Variants in GPHN observed in about 807,000 individuals in gnomAD.
GPHN encodes gephyrin.
A neutral mutation model predicts 95.5 loss-of-function variants in GPHN; 17 were observed. The ratio of observed to expected loss-of-function variants is 0.18; its 90% CI spans 0.12 to 0.27. The LOEUF is 0.27. Among genes scored for constraint, GPHN ranks in the 10% least tolerant of loss-of-function variants. The pLI, the probability that GPHN is intolerant of heterozygous loss-of-function variation, is 1.00. For missense variants in GPHN, 660 were observed against 978.1 expected (o/e 0.67, Z 4.34); for synonymous variants, 320 against 322.5 (o/e 0.99, Z 0.08).
At chr14:67,426,838 G>A in the GPHN span, among the ~76,000 whole-genome samples, 17 of 152,226 alleles carry the variant, frequency 1.1e-4, no homozygotes, top group African/African-American at 4.1e-4. Context: ...GCCTTGCAAA[G>A]TGCTGGGATT....
intron 1 of GPHN, among the ~76,000 whole-genome samples, chr14:66,599,379 C>CTTT (rs1199618130): frequency 1.1e-5 from 1 of 93,496 alleles, no homozygotes; most frequent in Non-Finnish European, 1.8e-5. Context: ...TCTGATTTTA[C>CTTT]ATTTTTTTTT....
intron 3 of GPHN, among the ~76,000 whole-genome samples, chr14:66,808,796 C>A (rs866800953): frequency 2.0e-5 from 3 of 151,942 alleles, no homozygotes; most frequent in African/African-American, 7.3e-5. Flanking sequence ...GACTTCATCT[C>A]AAAAAATATG....
intron 1 of GPHN, among the ~76,000 whole-genome samples, chr14:66,635,499 A>T (rs1198342165): frequency 6.6e-6 from 1 of 152,192 alleles, no homozygotes; most frequent in Non-Finnish European, 1.5e-5. Flanking sequence ...ATACAAAGGG[A>T]AATCCCAGAT....
intron 2 of GPHN, among the ~76,000 whole-genome samples, chr14:66,701,960 C>T (rs1389595859): frequency 2.0e-5 from 3 of 152,166 alleles, no homozygotes; most frequent in African/African-American, 7.2e-5. Flanking sequence ...CCTCCTGGAG[C>T]CAGGGAGGCT....
chr14:67,609,196 A>C, the GPHN span, among the ~76,000 whole-genome samples: 3 of 152,200 alleles, frequency 2.0e-5, no homozygotes, highest in East Asian at 5.8e-4. Flanking sequence ...GCAGGGCAGC[A>C]GGCAAGAAGA....
chr14:67,586,804 T>C, the GPHN span: 3 of 1,421,708 alleles, frequency 2.1e-6, no homozygotes, highest in Admixed American at 2.2e-5. Flanking sequence ...CCTTCCCTGG[T>C]TGTAGAGCTA....
At chr14:67,070,344 TAC>T (rs1223599774) in intron 11 of GPHN, among the ~76,000 whole-genome samples, 1 of 148,198 alleles carries the variant, frequency 6.7e-6, no homozygotes, top group Non-Finnish European at 1.5e-5. Context: ...TATATATATA[TAC>T]ACACATATAT....
intron 19 of GPHN, among the ~76,000 whole-genome samples, chr14:67,160,946 T>A (rs1156575951): frequency 6.6e-6 from 1 of 152,234 alleles, no homozygotes; most frequent in Non-Finnish European, 1.5e-5. Context: ...AGTTGCATGT[T>A]GAGCATGCCC....
intron 8 of GPHN, among the ~76,000 whole-genome samples, chr14:66,955,323 G>T (rs867720437): frequency 2.0e-5 from 3 of 152,020 alleles, no homozygotes; most frequent in African/African-American, 7.2e-5. Flanking sequence ...TCTTGAGTTG[G>T]TTTTGGTAGT....
chr14:67,026,934 GCCCAGCCTTA>G (rs2073956085), intron 10 of GPHN, among the ~76,000 whole-genome samples: 1 of 152,080 alleles, frequency 6.6e-6, no homozygotes, highest in Non-Finnish European at 1.5e-5. Context: ...GAGCCACCGC[GCCCAGCCTTA>G]TAGCCCACAT....
At chr14:67,093,354 T>C (rs1269100742) in intron 12 of GPHN, among the ~76,000 whole-genome samples, 1 of 152,138 alleles carries the variant, frequency 6.6e-6, no homozygotes, top group Non-Finnish European at 1.5e-5. Context: ...AAATTCAATA[T>C]AGACAATCCA....
At chr14:67,044,981 A>G (rs1441575247) in intron 10 of GPHN, among the ~76,000 whole-genome samples, 6 of 152,052 alleles carry the variant, frequency 3.9e-5, no homozygotes, top group Admixed American at 3.3e-4. Context: ...TCATCTCCAT[A>G]CAGAATCCTG....
the GPHN span, among the ~76,000 whole-genome samples, chr14:67,325,981 T>TTTC: frequency 2.9e-5 from 4 of 140,252 alleles, no homozygotes; most frequent in African/African-American, 1.1e-4. Context: ...GCTCTTTTCT[T>TTTC]TTTTTTTTTT....
At chr14:66,524,502 A>G (rs2058608164) in intron 1 of GPHN, among the ~76,000 whole-genome samples, 1 of 152,042 alleles carries the variant, frequency 6.6e-6, no homozygotes, top group South Asian at 2.1e-4. Context: ...AGTTTTTTAA[A>G]AAATTATTAT....
intron 2 of GPHN, among the ~76,000 whole-genome samples, chr14:66,712,199 T>C (rs2069706722): frequency 6.6e-6 from 1 of 152,198 alleles, no homozygotes; most frequent in Non-Finnish European, 1.5e-5. Flanking sequence ...TAATTTACAC[T>C]CCCACCAACA....
chr14:66,609,501 G>A (rs999869974), intron 1 of GPHN, among the ~76,000 whole-genome samples: 1 of 152,066 alleles, frequency 6.6e-6, no homozygotes, highest in Admixed American at 6.6e-5. Context: ...TAGTGAGATT[G>A]GGGTATTTTT....
rs190677336 is a variant in GPHN, at chr14:66,664,432, A to C, written c.65-16675A>C. The stretch of plus-strand genomic sequence containing the variant: ...GATGGAAATCAAGTTCTTTCAAACT[A>C]ATAAGGACAAAGATACAATGTACCA... On this transcript the variant is annotated intron_variant, in intron 1 of 22. Coordinates refer to ENST00000478722, the MANE Select transcript of GPHN (RefSeq NM_020806.5). Among the ~76,000 whole-genome samples the C allele has an allele frequency of 1.8e-3, 273 of 152,322 alleles. 1 individual carries two copies. The highest frequency in any genetic ancestry group is 6.3e-3 in the African/African-American group (261 of 41,580).
chr14:67,250,581 T>C, the GPHN span, among the ~76,000 whole-genome samples: 1 of 152,198 alleles, frequency 6.6e-6, no homozygotes. Flanking sequence ...TCTGGGCCCT[T>C]CCTCTGAAAC....
At chr14:67,566,781 A>G in the GPHN span, among the ~76,000 whole-genome samples, 5 of 150,224 alleles carry the variant, frequency 3.3e-5, no homozygotes, top group Admixed American at 6.6e-5. Flanking sequence ...GGTCTTCTCT[A>G]TCTGAACAGG....
Sources: allele counts gnomAD v4.1 joint callset (sites outside exome capture counted in the v4.1 genomes callset), GRCh38; gene constraint gnomAD v4.1.1; transcripts MANE v1.5; gene names NCBI Gene and HGNC (gene_info 2026-07-23, HGNC 2026-07-21).